CNTN1: variants seen among roughly 807,000 people sequenced by gnomAD.
The protein encoded by CNTN1 is contactin-1.
Under a neutral mutation model 126.4 loss-of-function variants are expected in CNTN1, and 38 were observed. The ratio of observed to expected loss-of-function variants is 0.30; its 90% CI spans 0.23 to 0.39. The LOEUF (loss-of-function observed/expected upper bound fraction) is 0.39, where lower values mean the gene tolerates loss of function less well. CNTN1 is among the 10% of genes least tolerant of loss of function. The probability of loss-of-function intolerance (pLI) is 1.00; values close to 1 mark genes in which losing one functional copy is unlikely to be tolerated. For synonymous variants in CNTN1, 413 were observed against 422.6 expected, an observed-to-expected ratio of 0.98 and a Z score of 0.28; for missense variants, 1,009 against 1,248.4, an observed-to-expected ratio of 0.81 and a Z score of 2.89.
chr12:40,716,133 G>A (rs1402939686), intron 1 of CNTN1, among the ~76,000 whole-genome samples: 1 of 151,858 alleles, frequency 6.6e-6, no homozygotes. Context: ...TGAAAAAAAG[G>A]ATAAACTTTT....
At chr12:40,990,487 T>C (rs2120480065) in intron 16 of CNTN1, among the ~76,000 whole-genome samples, 1 of 152,290 alleles carries the variant, frequency 6.6e-6, no homozygotes, top group South Asian at 2.1e-4. Flanking sequence ...CTCGTTAAAA[T>C]CAAAGCCTTG....
rs531446936 is a variant in CNTN1, at chr12:40,707,155, C to T, written c.-77+14563C>T. ...TCAAGGATCACCACAATGCCAGAGC[C>T]ATCACCATTACTTCTTTCTCTTACT... On this transcript the variant is annotated intron_variant, in intron 1 of 23. Coordinates refer to ENST00000551295, the MANE Select transcript of CNTN1 (RefSeq NM_001843.4). Among the ~76,000 whole-genome samples the T allele has an allele frequency of 3.3e-5, 5 of 151,932 alleles. No individual in the cohort carries two copies. The East Asian group carries it at 9.6e-4, about 29-fold the overall frequency.
At chr12:40,897,168 T>C (rs1035500979) in intron 1 of CNTN1, among the ~76,000 whole-genome samples, 10 of 152,194 alleles carry the variant, frequency 6.6e-5, no homozygotes, top group Admixed American at 2.6e-4. Context: ...TTGGTAAATT[T>C]TGAGTCAGAG....
chr12:40,937,793 A>T, intron 11 of CNTN1, 106 bp downstream of exon 11: 1 of 776,184 alleles, frequency 1.3e-6, no homozygotes, highest in South Asian at 1.4e-5. Context: ...TGTTAGGTGT[A>T]CAACATATGT....
At chr12:40,699,488 A>C (rs189650799) in intron 1 of CNTN1, among the ~76,000 whole-genome samples, 1 of 152,322 alleles carries the variant, frequency 6.6e-6, no homozygotes, top group Non-Finnish European at 1.5e-5. Context: ...CCAAATTGCT[A>C]AATCAGTCAA....
intron 16 of CNTN1, among the ~76,000 whole-genome samples, chr12:40,985,224 G>A (rs1442754408): frequency 1.3e-5 from 2 of 151,852 alleles, no homozygotes; most frequent in South Asian, 2.1e-4. Flanking sequence ...CATCTTAGAT[G>A]CCTTTTTTAG....
intron 16 of CNTN1, among the ~76,000 whole-genome samples, chr12:40,986,718 A>T (rs1269940364): frequency 6.6e-6 from 1 of 152,080 alleles, no homozygotes; most frequent in Admixed American, 6.6e-5. Context: ...CACTCCTGCC[A>T]CTATCTCATG....
At chr12:40,864,159 G>A (rs1943217729) in intron 1 of CNTN1, among the ~76,000 whole-genome samples, 1 of 150,844 alleles carries the variant, frequency 6.6e-6, no homozygotes, top group Non-Finnish European at 1.5e-5. Flanking sequence ...TGGGGTTACA[G>A]GAGCCCGCCA....
rs1948879083 is a variant in CNTN1, at chr12:41,020,349, C to T, written c.2432C>T (p.Ala811Val). Residue 811 changes from alanine to valine, a missense_variant, in exon 20 of 24, where the codon GCC (alanine) becomes GTC (valine). Coordinates refer to ENST00000551295, the MANE Select transcript of CNTN1 (RefSeq NM_001843.4). The part of the protein sequence containing the change: ...INSAQDAPSE[A>V]PTEVGVKVLS... ...CATAAAATTTCAGCTCCCAGTGAAG[C>T]CCCAACAGAAGTAGGTGTAAAAGTC... 4 of 1,610,016 alleles carry T rather than the reference C, an allele frequency of 2.5e-6. No homozygotes were observed. Among genetic ancestry groups the T allele is most frequent in the Middle Eastern group, 1.7e-4 (1 of 6,040 alleles).
chr12:40,702,849 C>A (rs1941637623), intron 1 of CNTN1, among the ~76,000 whole-genome samples: 1 of 152,062 alleles, frequency 6.6e-6, no homozygotes, highest in Non-Finnish European at 1.5e-5. Context: ...GCATAGTAAC[C>A]CTTTGCATAA....
At chr12:40,844,935 C>T (rs1942444581) in intron 1 of CNTN1, among the ~76,000 whole-genome samples, 1 of 152,098 alleles carries the variant, frequency 6.6e-6, no homozygotes, top group Non-Finnish European at 1.5e-5. Context: ...AAGAAACAGT[C>T]TTTCTCCAGA....
At position 41,000,640 on chromosome 12, in the gene CNTN1, T is replaced by TA. The variant is rs5797696; in HGVS notation, c.2113+7373dup. On this transcript the variant is annotated intron_variant, in intron 17 of 23. Transcript: ENST00000551295. Reference sequence around the variant, plus strand: ...AATAATCATATAGTTTTATTTTTTTTAATTTTAAGTTAAGAGGTACATGTG... The same window carrying TA: ...AATAATCATATAGTTTTATTTTTTTTAAATTTTAAGTTAAGAGGTACATGTG... 5.6e-4 allele frequency among the ~76,000 whole-genome samples: 85 copies of TA among 151,934 alleles called. 1 individual carries two copies. The highest frequency in any genetic ancestry group is 1.9e-3 in the African/African-American group (77 of 41,420).
chr12:41,062,684 A>C (rs1055453572), intron 23 of CNTN1, among the ~76,000 whole-genome samples: 5 of 152,228 alleles, frequency 3.3e-5, no homozygotes, highest in African/African-American at 1.2e-4. Context: ...ACCAAGTGTT[A>C]ATTCAAGGAA....
chr12:41,033,947 G>A (rs1949201682), intron 23 of CNTN1, among the ~76,000 whole-genome samples: 2 of 152,006 alleles, frequency 1.3e-5, no homozygotes, highest in Non-Finnish European at 2.9e-5. Flanking sequence ...CTACTCGGGA[G>A]GCTGAGGCAG....
chr12:40,990,725 C>T (rs1029653208), intron 16 of CNTN1, among the ~76,000 whole-genome samples: 10 of 152,200 alleles, frequency 6.6e-5, no homozygotes, highest in African/African-American at 2.4e-4. Context: ...CCTGGTTCTT[C>T]TTTGTCTGTC....
At chr12:40,820,523 C>A (rs1941410892) in intron 1 of CNTN1, among the ~76,000 whole-genome samples, 1 of 152,118 alleles carries the variant, frequency 6.6e-6, no homozygotes, top group African/African-American at 2.4e-5. Context: ...GAGACATGGG[C>A]ACTTACAGTG....
chr12:40,714,663 T>A (rs1942004541), intron 1 of CNTN1, among the ~76,000 whole-genome samples: 1 of 152,166 alleles, frequency 6.6e-6, no homozygotes, highest in Admixed American at 6.6e-5. Context: ...ACATGAATTT[T>A]TTTTATAGAA....
At chr12:41,003,728 TTA>T (rs1308563096) in intron 17 of CNTN1, among the ~76,000 whole-genome samples, 1 of 152,290 alleles carries the variant, frequency 6.6e-6, no homozygotes, top group East Asian at 1.9e-4. Flanking sequence ...ATTTTCTAGT[TTA>T]TGTGTATAGA....
intron 3 of CNTN1, 106 bp downstream of exon 3, chr12:40,910,211 A>C: frequency 1.2e-6 from 1 of 868,270 alleles, no homozygotes; most frequent in Non-Finnish European, 1.9e-6. Flanking sequence ...CAAATGGTTA[A>C]TGTTAGATCA....
Sources: allele counts gnomAD v4.1 joint callset (sites outside exome capture counted in the v4.1 genomes callset), GRCh38; gene constraint gnomAD v4.1.1; transcripts MANE v1.5; gene names NCBI Gene and HGNC (gene_info 2026-07-23, HGNC 2026-07-21).